NUP58: variants seen among roughly 807,000 people sequenced by gnomAD.
NUP58 encodes nucleoporin 58, also known as nucleoporin p58/p45.
A neutral mutation model predicts 70.1 loss-of-function variants in NUP58; 17 were observed. The observed-to-expected ratio is 0.24, with a 90% CI of 0.17 to 0.36. NUP58 has a LOEUF of 0.36. Among genes scored for constraint, NUP58 ranks in the 10% least tolerant of loss-of-function variants. The pLI, the probability that NUP58 is intolerant of heterozygous loss-of-function variation, is 1.00. For synonymous variants in NUP58, 275 were observed against 257.6 expected (o/e 1.07, Z -0.65); for missense variants, 644 against 701.5 (o/e 0.92, Z 0.93).
chr13:25,343,822 T>C (rs1301364806), downstream of NUP58, among the ~76,000 whole-genome samples: 32 of 140,224 alleles, frequency 2.3e-4, no homozygotes, highest in African/African-American at 7.9e-4. Flanking sequence ...TATATATATA[T>C]ATATACACAT....
At chr13:25,327,364 A>C (rs2031435684) in intron 11 of NUP58, 66 bp from the exon 12 acceptor site, 1 of 1,101,284 alleles carries the variant, frequency 9.1e-7, no homozygotes, top group Non-Finnish European at 1.3e-6. Flanking sequence ...ACTCAAATAG[A>C]AAAATAAAAT....
At chr13:25,335,788 T>C in intron 13 of NUP58, 1 of 984,722 alleles carries the variant, frequency 1.0e-6, no homozygotes, top group Non-Finnish European at 1.2e-6. Context: ...TTGAAGGCTT[T>C]GATTTCTTTA....
chr13:25,329,714 G>A lies in NUP58; in HGVS notation c.1234-1643G>A, dbSNP rs548234657. Among the ~76,000 whole-genome samples, 6 of 152,204 alleles carry A rather than the reference G, an allele frequency of 3.9e-5. No individual in the cohort carries two copies. In the South Asian group the frequency reaches 1.0e-3, roughly 26 times the overall value. On this transcript the variant is annotated intron_variant, in intron 12 of 15. Coordinates refer to ENST00000381736, the MANE Select transcript of NUP58 (RefSeq NM_014089.4). The stretch of plus-strand genomic sequence containing the variant: ...CATTAGGTAATCTGTTGAAACAGGC[G>A]TTAACTATTCTATCCAGCCAGGCCT...
At chr13:25,301,952 C>A (rs2030030249) in intron 1 of NUP58, 72 bp downstream of exon 1, 2 of 966,540 alleles carry the variant, frequency 2.1e-6, no homozygotes, top group South Asian at 1.5e-5. Context: ...CCCTTGGTGT[C>A]CCCATCCTGT....
At chr13:25,302,987 C>T (rs748760087) in intron 1 of NUP58, 2 of 456,700 alleles carry the variant, frequency 4.4e-6, no homozygotes, top group South Asian at 3.1e-5. Context: ...GACAGATTCC[C>T]ATGTGCAAGG....
intron 1 of NUP58, among the ~76,000 whole-genome samples, chr13:25,307,555 G>A (rs115508188): frequency 0.014 from 2,142 of 151,872 alleles, 53 homozygotes; most frequent in African/African-American, 0.049. Context: ...TTTTACATGT[G>A]GATTTATTTT....
At chr13:25,307,983 G>A (rs746062405) in intron 2 of NUP58, 35 bp downstream of exon 2, 1 of 1,607,826 alleles carries the variant, frequency 6.2e-7, no homozygotes, top group South Asian at 1.1e-5. Context: ...CAGAGAGTAG[G>A]CTTGGGATAT....
At chr13:25,332,788 T>C in intron 13 of NUP58, 1 of 985,370 alleles carries the variant, frequency 1.0e-6, no homozygotes, top group African/African-American at 1.7e-5. Context: ...TAGGATTGCA[T>C]TGTTAAGTTA....
chr13:25,332,239 T>C (rs2031634200), intron 13 of NUP58: 1 of 985,498 alleles, frequency 1.0e-6, no homozygotes, highest in African/African-American at 1.7e-5. Context: ...TGAAAATAAT[T>C]GGTGACATGG....
At chr13:25,328,218 A>G (rs536315640) in intron 12 of NUP58, among the ~76,000 whole-genome samples, 1 of 152,120 alleles carries the variant, frequency 6.6e-6, no homozygotes, top group African/African-American at 2.4e-5. Flanking sequence ...GAAAATAAGC[A>G]TTCTTAGTAG....
rs78700019 is a variant in NUP58 at position 25,304,282 on chromosome 13, A to G, written c.107+2402A>G. On this transcript the variant is annotated intron_variant, in intron 1 of 15. Transcript: ENST00000381736. The stretch of plus-strand genomic sequence containing the variant: ...ACATCCTATCAAGTCCTTGGCAGAT[A>G]ACATTGGTTTGAGGCAATAATTGGT... 5.3e-3 allele frequency among the ~76,000 whole-genome samples: 810 copies of G among 152,088 alleles called. 31 individuals are homozygous for G. The East Asian group carries it at 0.092, about 17-fold the overall frequency.
intron 12 of NUP58, among the ~76,000 whole-genome samples, chr13:25,330,379 T>A (rs892054626): frequency 6.6e-6 from 1 of 152,122 alleles, no homozygotes; most frequent in East Asian, 1.9e-4. Context: ...AAGTTTGGAA[T>A]TGGAACATCA....
chr13:25,342,989 G>A (rs949802498), downstream of NUP58, among the ~76,000 whole-genome samples: 1 of 151,998 alleles, frequency 6.6e-6, no homozygotes, highest in Middle Eastern at 3.2e-3. Context: ...TTCAACTACT[G>A]TGTGGTTTTT....
downstream of NUP58, among the ~76,000 whole-genome samples, chr13:25,344,144 A>G (rs1190969657): frequency 6.6e-6 from 1 of 152,008 alleles, no homozygotes; most frequent in African/African-American, 2.4e-5. Context: ...TGTTAATGTA[A>G]TTGCTTATTA....
At position 25,301,668 on chromosome 13, in the gene NUP58, T is replaced by G; in HGVS notation, c.-106T>G. ...GTTGGGGCTGGAAGTTCCCGCCAGG[T>G]CCGTGCCGGGCGAGAGAGATGCTGC... On this transcript the variant is annotated 5_prime_UTR_variant, in exon 1 of 16. Transcript: ENST00000381736. The G allele has an allele frequency of 1.8e-6, 1 of 569,240 alleles. No individual in the cohort carries two copies. The highest frequency in any genetic ancestry group is 3.5e-5 in the East Asian group (1 of 28,842). 35.3% of individuals were successfully genotyped at this position (569,240 alleles called of 1,614,324 possible).
Position 25,307,807 on chromosome 13 carries a change from A to G in NUP58, c.109A>G (p.Asn37Asp). 3 of 1,613,948 alleles carry G rather than the reference A, an allele frequency of 1.9e-6. No individual in the cohort carries two copies. The highest frequency in any genetic ancestry group is 2.5e-6 in the Non-Finnish European group (3 of 1,179,936). Residue 37 changes from asparagine to aspartate, a missense_variant and splice_region_variant, in exon 2 of 16, where the codon AAC (asparagine) becomes GAC (aspartate). This residue lies in a region of NUP58 where 430 missense variants were observed against 409.2 expected (regional missense o/e 1.05). Coordinates refer to ENST00000381736, the MANE Select transcript of NUP58 (RefSeq NM_014089.4). ...TTTGTTTTTGTTTCTTTAAATAAGC[A>G]ACCCTTCTGTGGGGCTCAATTTTGG... is the stretch of plus-strand genomic sequence containing the variant. ...VFSFGTGASS[N>D]PSVGLNFGNL... is the part of the protein sequence containing the mutation.
chr13:25,333,910 A>G lies in NUP58; in HGVS notation c.1435+2352A>G, dbSNP rs146952635. The G allele has an allele frequency of 4.2e-3, 4,111 of 985,392 alleles. 4 individuals carry two copies. The highest frequency in any genetic ancestry group is 4.7e-3 in the Non-Finnish European group (3,889 of 829,916). The allele number at this position is 985,392 out of a possible 1,614,324, so 61.0% of individuals were successfully genotyped here. On this transcript the variant is annotated intron_variant, in intron 13 of 15. Transcript: ENST00000381736. ...AGAAGGGTTTTGCTTTTATTTGCAT[A>G]TGAAATTTTTATTAACATGAATATG...
chr13:25,301,928 A>T, intron 1 of NUP58, 48 bp downstream of exon 1: 2 of 1,087,064 alleles, frequency 1.8e-6, no homozygotes, highest in Non-Finnish European at 1.3e-6. Context: ...CCCCACCCCC[A>T]CCCCCGCAAA....
rs1161330296 is a variant in NUP58, at chr13:25,312,957, C to T, written c.361C>T (p.Pro121Ser). 1 of 1,614,012 alleles carries T rather than the reference C, an allele frequency of 6.2e-7. No individual in the cohort carries two copies. Among genetic ancestry groups the T allele is most frequent in the East Asian group, 2.2e-5 (1 of 44,898 alleles). ...CAATAAACCTGCAGCATCTGCCACA[C>T]CATTTGCTCTACCTATTACCTCTAC... ...GFNKPAASAT[P>S]FALPITSTSA... is the part of the protein sequence containing the mutation. Residue 121 changes from proline to serine, a missense_variant, in exon 4 of 16, where the codon CCA (proline) becomes TCA (serine). Physicochemically the swap from Pro to Ser is moderately conservative, Grantham distance 74. Transcript: ENST00000381736.
Sources: allele counts gnomAD v4.1 joint callset (sites outside exome capture counted in the v4.1 genomes callset), GRCh38; gene constraint gnomAD v4.1.1; regional missense constraint gnomAD v4.1.1; transcripts MANE v1.5; gene names NCBI Gene and HGNC (gene_info 2026-07-23, HGNC 2026-07-21).